Variants in DLGAP4 observed in about 807,000 individuals in gnomAD.
DLGAP4 encodes DLG associated protein 4, also known as disks large-associated protein 4.
Under a neutral mutation model 86.9 loss-of-function variants are expected in DLGAP4, and 18 were observed. The observed-to-expected ratio is 0.21, with a 90% confidence interval of 0.14 to 0.31. DLGAP4 has a LOEUF of 0.31. DLGAP4 is among the 10% of genes least tolerant of loss of function. The pLI, the probability that DLGAP4 is intolerant of heterozygous loss-of-function variation, is 1.00. For synonymous variants in DLGAP4, 548 were observed against 574.3 expected (o/e 0.95, Z 0.65); for missense variants, 1,085 against 1,362.6 (o/e 0.80, Z 3.21).
intron 1 of DLGAP4, among the ~76,000 whole-genome samples, chr20:36,311,403 G>A (rs1336955792): frequency 6.6e-6 from 1 of 152,176 alleles, no homozygotes. Flanking sequence ...CTACCGAGCT[G>A]TCTGACGTGG....
chr20:36,436,099 C>A lies in DLGAP4; in HGVS notation c.1000-10C>A, dbSNP rs764680077. 2 of 1,563,952 alleles carry A rather than the reference C, an allele frequency of 1.3e-6. No homozygotes were observed. The highest frequency in any genetic ancestry group is 1.2e-5 in the South Asian group (1 of 85,166). The stretch of plus-strand genomic sequence containing the variant: ...CGGTGGCCCCACTGAGTCCTGTGCC[C>A]CATCCCCAGGTGCCCGGCGGCGGCG... On this transcript the variant is annotated splice_polypyrimidine_tract_variant and intron_variant, in intron 3 of 12. Coordinates refer to ENST00000339266, the MANE Select transcript of DLGAP4 (RefSeq NM_001365621.2).
chr20:36,401,929 G>A (rs991601784), intron 2 of DLGAP4, among the ~76,000 whole-genome samples: 4 of 152,222 alleles, frequency 2.6e-5, no homozygotes, highest in African/African-American at 4.8e-5. Flanking sequence ...TGCTTGGTGA[G>A]TTGAAGGATC....
intron 7 of DLGAP4, among the ~76,000 whole-genome samples, chr20:36,468,502 ATGGCT>A (rs1304613061): frequency 7.9e-5 from 12 of 152,346 alleles, no homozygotes; most frequent in Non-Finnish European, 1.8e-4. Context: ...CAGGAAATTG[ATGGCT>A]TGGCCGAGGC....
At chr20:36,526,305 G>A (rs1463631293) in intron 12 of DLGAP4, among the ~76,000 whole-genome samples, 3 of 152,068 alleles carry the variant, frequency 2.0e-5, no homozygotes, top group Non-Finnish European at 4.4e-5. Flanking sequence ...AGCAAAAATG[G>A]TCCCTTCTCC....
chr20:36,420,803 G>A (rs1372176832), intron 2 of DLGAP4, among the ~76,000 whole-genome samples: 8 of 152,090 alleles, frequency 5.3e-5, no homozygotes, highest in Non-Finnish European at 1.2e-4. Flanking sequence ...GAGAAACCCA[G>A]TCTCTACTAA....
At chr20:36,343,773 A>G (rs534303208) in intron 1 of DLGAP4, among the ~76,000 whole-genome samples, 5 of 152,342 alleles carry the variant, frequency 3.3e-5, no homozygotes, top group African/African-American at 1.2e-4. Context: ...AGAGCTGGAG[A>G]GGCCCCAGCA....
At chr20:36,479,399 AG>A (rs988867708) in intron 7 of DLGAP4, among the ~76,000 whole-genome samples, 45 of 152,164 alleles carry the variant, frequency 3.0e-4, no homozygotes, top group Admixed American at 1.2e-3. Context: ...TGGAGGTCAC[AG>A]GGATGCCACC....
intron 1 of DLGAP4, among the ~76,000 whole-genome samples, chr20:36,354,550 G>A (rs1226555948): frequency 1.3e-5 from 2 of 152,264 alleles, no homozygotes; most frequent in Middle Eastern, 3.4e-3. Flanking sequence ...TCTGTCCCCT[G>A]ACTAGTGAGT....
chr20:36,369,195 A>G (rs1248348321), intron 2 of DLGAP4, among the ~76,000 whole-genome samples: 1 of 152,254 alleles, frequency 6.6e-6, no homozygotes, highest in African/African-American at 2.4e-5. Context: ...AGGTGTCTCC[A>G]GGGCAGAGGC....
rs117753431 is a variant in DLGAP4 at position 36,339,853 on chromosome 20, C to T, written c.-303-27192C>T. The stretch of plus-strand genomic sequence containing the variant: ...ATTTGCTCATGGAGGGGACGCACAG[C>T]TCCGGCAGAGGCGTTAAGGTGGGAA... On this transcript the variant is annotated intron_variant, in intron 1 of 12. Coordinates refer to ENST00000339266, the MANE Select transcript of DLGAP4 (RefSeq NM_001365621.2). Among the ~76,000 whole-genome samples, 1,229 of 152,268 alleles carry T rather than the reference C, an allele frequency of 8.1e-3. 8 individuals carry two copies. Among genetic ancestry groups the T allele is most frequent in the Non-Finnish European group, 0.013 (877 of 68,014 alleles).
intron 2 of DLGAP4, among the ~76,000 whole-genome samples, chr20:36,378,508 G>T (rs1466548945): frequency 6.6e-6 from 1 of 152,112 alleles, no homozygotes; most frequent in Non-Finnish European, 1.5e-5. Context: ...GGGCATTTCA[G>T]ACTTAGCTCA....
At position 36,467,060 on chromosome 20, in the gene DLGAP4, CT is replaced by C. The variant is rs2034436631; in HGVS notation, c.1648+20124del. On this transcript the variant is annotated intron_variant, in intron 7 of 12. Coordinates refer to ENST00000339266, the MANE Select transcript of DLGAP4 (RefSeq NM_001365621.2). ...TCTCTCTCTCTCTCTCTCTCTCTCTCTCTCCCCCCCCCTTCTCTCGGCCCTG... is the reference window on the plus strand; with the variant it reads ...TCTCTCTCTCTCTCTCTCTCTCTCTCCTCCCCCCCCCTTCTCTCGGCCCTG... 5.9e-3 allele frequency among the ~76,000 whole-genome samples: 675 copies of C among 114,784 alleles called. 22 individuals are homozygous for C. Among genetic ancestry groups the C allele is most frequent in the Non-Finnish European group, 9.0e-3 (501 of 55,598 alleles). 75.3% of individuals were successfully genotyped at this position (114,784 alleles called of 152,430 possible). A position where few individuals can be genotyped will look rare whatever the true frequency, so the allele number is the denominator to read the frequency against.
intron 1 of DLGAP4, among the ~76,000 whole-genome samples, chr20:36,345,009 C>T (rs1555892803): frequency 6.6e-6 from 1 of 152,222 alleles, no homozygotes; most frequent in African/African-American, 2.4e-5. Flanking sequence ...CCAAAGACCC[C>T]ACTTCAGGAA....
At chr20:36,504,657 G>A (rs2036283847) in intron 10 of DLGAP4, among the ~76,000 whole-genome samples, 1 of 152,150 alleles carries the variant, frequency 6.6e-6, no homozygotes, top group Admixed American at 6.6e-5. Flanking sequence ...ACCAACACCT[G>A]TTATCTTCTG....
chr20:36,381,560 A>G (rs2031392296), intron 2 of DLGAP4, among the ~76,000 whole-genome samples: 2 of 152,152 alleles, frequency 1.3e-5, no homozygotes, highest in African/African-American at 2.4e-5. Context: ...GAACATTGAG[A>G]TGGGTGCTGG....
At chr20:36,315,297 G>A (rs1051282072) in intron 1 of DLGAP4, among the ~76,000 whole-genome samples, 4 of 151,988 alleles carry the variant, frequency 2.6e-5, no homozygotes, top group African/African-American at 7.3e-5. Context: ...AGAGGAGACC[G>A]TAGCTGTCTT....
chr20:36,386,220 G>A (rs2147455795), intron 2 of DLGAP4, among the ~76,000 whole-genome samples: 1 of 152,272 alleles, frequency 6.6e-6, no homozygotes, highest in Non-Finnish European at 1.5e-5. Flanking sequence ...TGTGAGGTGA[G>A]AGCTTAGTGT....
In DLGAP4 at chr20:36,308,641, G is replaced by T. The variant is rs1156306048; in HGVS notation, c.-304+2129G>T. Among the ~76,000 whole-genome samples, 1 of 152,186 alleles carries T rather than the reference G, an allele frequency of 6.6e-6. No homozygotes were observed. Among genetic ancestry groups the T allele is most frequent in the Non-Finnish European group, 1.5e-5 (1 of 68,038 alleles). ...CCCACTGACATCTCATTAGGTTCTT[G>T]TGTGGTTTGTGAGCCACAGGCTTCG... On this transcript the variant is annotated intron_variant, in intron 1 of 12. Transcript: ENST00000339266. The surrounding 1 kb of genome is among the most constrained non-coding windows in gnomAD (Gnocchi z 4.5).
chr20:36,371,184 G>A (rs1434340713), intron 2 of DLGAP4, among the ~76,000 whole-genome samples: 1 of 152,200 alleles, frequency 6.6e-6, no homozygotes. Flanking sequence ...GCACATGGCT[G>A]GAAGTGAGTT....
Sources: gnomAD v4.1 joint callset for allele counts (sites outside exome capture counted in the v4.1 genomes callset) on GRCh38, gnomAD v4.1.1 for gene constraint, Gnocchi (gnomAD v3.1) non-coding constraint, MANE v1.5 for transcripts, NCBI Gene and HGNC (gene_info 2026-07-23, HGNC 2026-07-21) for gene names.